AKAP9: variants seen among roughly 807,000 people sequenced by gnomAD.
The protein encoded by AKAP9 is A-kinase anchor protein 9.
Under a neutral mutation model 488.5 loss-of-function variants are expected in AKAP9, and 311 were observed. The ratio of observed to expected loss-of-function variants is 0.64; its 90% CI spans 0.58 to 0.70. AKAP9 has a LOEUF of 0.70. Ranked by LOEUF, AKAP9 falls within the 30% of genes least tolerant of loss-of-function variation. The probability of loss-of-function intolerance (pLI) is 0.00; values close to 1 mark genes in which losing one functional copy is unlikely to be tolerated. For synonymous variants in AKAP9, 1,462 were observed against 1,483.5 expected, an observed-to-expected ratio of 0.99 and a Z score of 0.33; for missense variants, 4,215 against 4,374.5, an observed-to-expected ratio of 0.96 and a Z score of 1.03.
chr7:92,013,760 A>C (rs1801115804), intron 9 of AKAP9, among the ~76,000 whole-genome samples: 1 of 152,184 alleles, frequency 6.6e-6, no homozygotes, highest in South Asian at 2.1e-4. Flanking sequence ...GATTTTAAGC[A>C]TGTGATATTT....
intron 1 of AKAP9, among the ~76,000 whole-genome samples, chr7:91,961,961 A>G (rs549193960): frequency 7.6e-4 from 115 of 152,296 alleles, no homozygotes; most frequent in African/African-American, 2.7e-3. Flanking sequence ...AAAGGCAATT[A>G]TATATGGACA....
At chr7:92,035,190 T>C (rs1804987035) in intron 16 of AKAP9, among the ~76,000 whole-genome samples, 1 of 152,244 alleles carries the variant, frequency 6.6e-6, no homozygotes, top group Non-Finnish European at 1.5e-5. Flanking sequence ...AAATATATTA[T>C]TTCCCCCGTG....
At chr7:91,968,942 G>A (rs1463386796) in intron 1 of AKAP9, among the ~76,000 whole-genome samples, 1 of 152,074 alleles carries the variant, frequency 6.6e-6, no homozygotes, top group Non-Finnish European at 1.5e-5. Context: ...TGTGAACATG[G>A]TTCATTGTAG....
intron 1 of AKAP9, among the ~76,000 whole-genome samples, chr7:91,957,644 CT>C (rs1793189813): frequency 6.6e-6 from 1 of 152,032 alleles, no homozygotes; most frequent in Admixed American, 6.6e-5. Flanking sequence ...GTACAGTTAG[CT>C]TTATATATAT....
intron 16 of AKAP9, among the ~76,000 whole-genome samples, chr7:92,034,170 G>GA (rs1163863920): frequency 2.0e-5 from 3 of 152,122 alleles, no homozygotes; most frequent in African/African-American, 4.8e-5. Context: ...ATATGAAAGG[G>GA]AAAGTCAAGA....
chr7:92,037,267 A>G (rs564357663), intron 16 of AKAP9, among the ~76,000 whole-genome samples: 4 of 152,298 alleles, frequency 2.6e-5, no homozygotes, highest in East Asian at 3.9e-4. Context: ...CCCAGCTTCA[A>G]TGATTTATTT....
At chr7:91,959,563 C>G (rs1437708743) in intron 1 of AKAP9, among the ~76,000 whole-genome samples, 1 of 152,190 alleles carries the variant, frequency 6.6e-6, no homozygotes, top group African/African-American at 2.4e-5. Context: ...ACTTTAGCTT[C>G]CCAAAGCACA....
At position 92,099,504 on chromosome 7, in the gene AKAP9, C is replaced by T. The variant is rs942184531; in HGVS notation, c.10714-183C>T. Among the ~76,000 whole-genome samples, 3 of 152,136 alleles carry T rather than the reference C, an allele frequency of 2.0e-5. No homozygotes were observed. In the South Asian group the frequency reaches 6.2e-4, roughly 32 times the overall value. On this transcript the variant is annotated intron_variant, in intron 43 of 49. Coordinates refer to ENST00000356239, the MANE Select transcript of AKAP9 (RefSeq NM_005751.5). ...AACAATACACACTCGCTCAAGCCTTCGTGCCTTTTGCTTAATATGCCCTTC... is the reference window on the plus strand; with the variant it reads ...AACAATACACACTCGCTCAAGCCTTTGTGCCTTTTGCTTAATATGCCCTTC...
rs776502750 is a variant in AKAP9, at chr7:92,002,825, C to G, written c.2908C>G (p.His970Asp). Residue 970 changes from histidine (H) to aspartate (D), a missense_variant, in exon 8 of 50, where the codon CAT becomes GAT. His to Asp is a moderately conservative substitution (Grantham distance 81, BLOSUM62 -1). Coordinates refer to ENST00000356239, the MANE Select transcript of AKAP9 (RefSeq NM_005751.5). ...SDLSEQLKQK[H>D]GEISFLNEEV... ...TCTTTCTGAACAATTGAAACAGAAACATGGTGAGATTAGTTTTCTAAATGA... is the reference window on the plus strand; with the variant it reads ...TCTTTCTGAACAATTGAAACAGAAAGATGGTGAGATTAGTTTTCTAAATGA... 6.2e-7 allele frequency: 1 copy of G among 1,613,552 alleles called. No homozygotes were observed. Among genetic ancestry groups the G allele is most frequent in the East Asian group, 2.2e-5 (1 of 44,848 alleles).
At chr7:92,008,983 TAA>T (rs58922447) in intron 8 of AKAP9, among the ~76,000 whole-genome samples, 35 of 130,678 alleles carry the variant, frequency 2.7e-4, no homozygotes, top group African/African-American at 2.0e-4. Flanking sequence ...AGACTCCATT[TAA>T]AAAAAAAAAA....
chr7:91,975,064 C>T (rs1489616823), intron 2 of AKAP9, among the ~76,000 whole-genome samples: 1 of 152,132 alleles, frequency 6.6e-6, no homozygotes, highest in Non-Finnish European at 1.5e-5. Flanking sequence ...GTTGCCCAGG[C>T]TGGTCTCAAA....
intron 14 of AKAP9, among the ~76,000 whole-genome samples, chr7:92,023,973 A>T (rs1319975360): frequency 2.0e-5 from 3 of 152,078 alleles, no homozygotes; most frequent in Non-Finnish European, 2.9e-5. Context: ...TGTTCTCGTG[A>T]GGCTTTTCTT....
chr7:92,016,816 A>G (rs1387018695), intron 11 of AKAP9, among the ~76,000 whole-genome samples: 1 of 152,118 alleles, frequency 6.6e-6, no homozygotes, highest in African/African-American at 2.4e-5. Flanking sequence ...AGAAATTAAC[A>G]TATTTTAATA....
intron 1 of AKAP9, among the ~76,000 whole-genome samples, chr7:91,965,169 T>A (rs1794279305): frequency 6.6e-6 from 1 of 152,202 alleles, no homozygotes; most frequent in Non-Finnish European, 1.5e-5. Context: ...TTGTATCCAT[T>A]GTCAGCCCCT....
Position 92,080,113 on chromosome 7 carries a change from A to G in AKAP9, c.7980A>G (p.Lys2660=), listed in dbSNP as rs371461279. ...GCAATGAGAAAAAACAGAGAGAGAA[A>G]GAAAAGAAAAGAAGCCCTCAAGATG... ...LEGNEKKQRE[K]EKKRSPQDVE... The change falls in exon 31 of 50, where the codon AAA becomes AAG. Residue 2660 remains lysine (K), a synonymous_variant. Transcript: ENST00000356239. 6.3e-6 allele frequency: 10 copies of G among 1,591,348 alleles called. No homozygotes were observed. The highest frequency in any genetic ancestry group is 8.5e-6 in the Non-Finnish European group (10 of 1,175,556).
chr7:91,944,817 G>A (rs905443662), intron 1 of AKAP9, among the ~76,000 whole-genome samples: 1 of 152,186 alleles, frequency 6.6e-6, no homozygotes, highest in Non-Finnish European at 1.5e-5. Flanking sequence ...TTTTAGCGTA[G>A]GCCTGGAATT....
chr7:91,998,116 C>T (rs1380423439), intron 7 of AKAP9, among the ~76,000 whole-genome samples: 1 of 152,150 alleles, frequency 6.6e-6, no homozygotes, highest in African/African-American at 2.4e-5. Context: ...AGATCCTTCA[C>T]ATGCACAGTT....
intron 1 of AKAP9, among the ~76,000 whole-genome samples, chr7:91,965,730 G>C (rs1479664577): frequency 3.3e-5 from 5 of 152,190 alleles, no homozygotes; most frequent in African/African-American, 9.7e-5. Context: ...CAGTTTAACT[G>C]CAGTGAGATA....
chr7:92,006,057 A>G (rs1234954326), intron 8 of AKAP9, among the ~76,000 whole-genome samples: 1 of 152,178 alleles, frequency 6.6e-6, no homozygotes, highest in Admixed American at 6.5e-5. Context: ...AATGTCACAC[A>G]TCTTTTAAAA....
Sources: allele counts gnomAD v4.1 joint callset (sites outside exome capture counted in the v4.1 genomes callset), GRCh38; gene constraint gnomAD v4.1.1; transcripts MANE v1.5; gene names NCBI Gene and HGNC (gene_info 2026-07-23, HGNC 2026-07-21).